Variants in PALM2AKAP2 observed in about 807,000 individuals in gnomAD.
The protein encoded by PALM2AKAP2 is PALM2-AKAP2 fusion protein.
A neutral mutation model predicts 71.5 loss-of-function variants in PALM2AKAP2; 37 were observed. The ratio of observed to expected loss-of-function variants is 0.52; its 90% confidence interval spans 0.40 to 0.68. PALM2AKAP2 has a LOEUF of 0.68. Among genes scored for constraint, PALM2AKAP2 ranks in the 30% least tolerant of loss-of-function variants. PALM2AKAP2 has a pLI of 0.00. For missense variants in PALM2AKAP2, 1,224 were observed against 1,191.8 expected, an observed-to-expected ratio of 1.03 and a Z score of -0.40; for synonymous variants, 468 against 478.8, an observed-to-expected ratio of 0.98 and a Z score of 0.29.
At chr9:110,124,625 T>C (rs1469354845) in intron 1 of PALM2AKAP2, among the ~76,000 whole-genome samples, 1 of 152,172 alleles carries the variant, frequency 6.6e-6, no homozygotes, top group East Asian at 1.9e-4. Flanking sequence ...AGTGTAGTGC[T>C]GGGGGCCCTA....
At chr9:109,873,467 T>G (rs1033730179) in intron 2 of PALM2AKAP2, among the ~76,000 whole-genome samples, 52 of 68,390 alleles carry the variant, frequency 7.6e-4, no homozygotes, top group Admixed American at 4.8e-4. Context: ...TAAAATAAAA[T>G]AAAATAAAAT....
intron 3 of PALM2AKAP2, among the ~76,000 whole-genome samples, chr9:110,164,248 C>T (rs1038062767): frequency 6.6e-5 from 10 of 152,074 alleles, no homozygotes; most frequent in African/African-American, 2.4e-4. Flanking sequence ...GAGTTGGGCC[C>T]ACTCTGTCTT....
At chr9:109,768,007 A>AT (rs1829186601) in intron 1 of PALM2AKAP2, among the ~76,000 whole-genome samples, 2 of 46,038 alleles carry the variant, frequency 4.3e-5, no homozygotes, top group East Asian at 4.9e-4. Flanking sequence ...AAAGGCAGGT[A>AT]GGTAGGAAGA....
intron 1 of PALM2AKAP2, among the ~76,000 whole-genome samples, chr9:109,690,032 A>G (rs1827859890): frequency 1.3e-5 from 2 of 151,954 alleles, no homozygotes; most frequent in South Asian, 4.2e-4. Flanking sequence ...CCTCTTAAAC[A>G]ATCAGGACTA....
chr9:109,716,812 C>T (rs1255649849), intron 1 of PALM2AKAP2, among the ~76,000 whole-genome samples: 1 of 152,152 alleles, frequency 6.6e-6, no homozygotes, highest in Non-Finnish European at 1.5e-5. Flanking sequence ...ATGTGTACAT[C>T]TAGAAAACCA....
chr9:110,167,905 A>C (rs561963740), intron 3 of PALM2AKAP2, among the ~76,000 whole-genome samples: 1 of 152,318 alleles, frequency 6.6e-6, no homozygotes, highest in East Asian at 1.9e-4. Flanking sequence ...ACATGGAGCT[A>C]TTCAAATTAA....
At chr9:109,840,431 C>T (rs1363831109) in intron 1 of PALM2AKAP2, among the ~76,000 whole-genome samples, 1 of 152,176 alleles carries the variant, frequency 6.6e-6, no homozygotes, top group Admixed American at 6.5e-5. Flanking sequence ...AAAACCTAGG[C>T]AGTACCATTC....
At chr9:109,654,001 G>A (rs2132235043) in intron 1 of PALM2AKAP2, among the ~76,000 whole-genome samples, 1 of 152,240 alleles carries the variant, frequency 6.6e-6, no homozygotes, top group Non-Finnish European at 1.5e-5. Flanking sequence ...AATGGGGTAG[G>A]GGTTAGCCAA....
chr9:109,797,206 G>A (rs998063727), intron 1 of PALM2AKAP2, among the ~76,000 whole-genome samples: 8 of 152,032 alleles, frequency 5.3e-5, no homozygotes, highest in African/African-American at 1.9e-4. Context: ...TCCTTTGGCC[G>A]CTATCTAAGT....
rs146367419 is a variant in PALM2AKAP2 at position 109,836,358 on chromosome 9, C to G, written c.46-31133C>G. 8.5e-3 allele frequency among the ~76,000 whole-genome samples: 1,290 copies of G among 152,190 alleles called. 21 individuals carry two copies. Among genetic ancestry groups the G allele is most frequent in the African/African-American group, 0.03 (1,230 of 41,516 alleles). ...GAAAACTAACAAACAGAAAGGACAT[C>G]GACACCAAAACCACATCTGTACGTC... On this transcript the variant is annotated intron_variant, in intron 1 of 9. Coordinates refer to the PALM2AKAP2 transcript ENST00000302798.
At chr9:109,668,400 A>G (rs963790296) in intron 1 of PALM2AKAP2, among the ~76,000 whole-genome samples, 16 of 152,214 alleles carry the variant, frequency 1.1e-4, no homozygotes, top group Admixed American at 8.5e-4. Context: ...AGCTCATCCC[A>G]AAGAGAAAGG....
At chr9:109,866,042 G>A (rs988855329) in intron 1 of PALM2AKAP2, among the ~76,000 whole-genome samples, 1 of 152,148 alleles carries the variant, frequency 6.6e-6, no homozygotes, top group African/African-American at 2.4e-5. Flanking sequence ...ATATTCATGT[G>A]TCTTACTTTG....
rs577501279 is a variant in PALM2AKAP2, at chr9:109,718,144, G to A, written c.6-62344G>A. ...CGCCCAGGCTGGAGGGCAGTGGCAC[G>A]ATCTTGGCTCACTGCAGCCTCAACT... is the stretch of plus-strand genomic sequence containing the variant. On this transcript the variant is annotated intron_variant, in intron 1 of 6. Coordinates refer to the PALM2AKAP2 transcript ENST00000374531. 3.9e-4 allele frequency among the ~76,000 whole-genome samples: 59 copies of A among 152,116 alleles called. 1 individual carries two copies. The highest frequency in any genetic ancestry group is 2.6e-3 in the Admixed American group (39 of 15,288).
chr9:110,125,133 G>A (rs1337895913), intron 1 of PALM2AKAP2, among the ~76,000 whole-genome samples: 1 of 152,168 alleles, frequency 6.6e-6, no homozygotes, highest in Non-Finnish European at 1.5e-5. Context: ...TGAAAAGTCT[G>A]TCTAACTGGA....
At chr9:109,738,195 C>T (rs1226385788) in intron 1 of PALM2AKAP2, among the ~76,000 whole-genome samples, 1 of 152,140 alleles carries the variant, frequency 6.6e-6, no homozygotes, top group Admixed American at 6.5e-5. Context: ...AATTACTATT[C>T]CTCTATTAAA....
At chr9:110,131,965 G>T (rs956210639) in intron 1 of PALM2AKAP2, among the ~76,000 whole-genome samples, 1 of 151,838 alleles carries the variant, frequency 6.6e-6, no homozygotes, top group South Asian at 2.1e-4. Flanking sequence ...TTAAAAAAAT[G>T]TATCGGAAAG....
chr9:109,906,126 C>A (rs979695873), intron 3 of PALM2AKAP2, among the ~76,000 whole-genome samples: 3 of 152,136 alleles, frequency 2.0e-5, no homozygotes, highest in African/African-American at 7.2e-5. Context: ...AGAGGAAAAT[C>A]CAGGGCTCCC....
At chr9:109,987,523 A>AT (rs1212418242) in intron 6 of PALM2AKAP2, among the ~76,000 whole-genome samples, 4 of 152,198 alleles carry the variant, frequency 2.6e-5, no homozygotes, top group African/African-American at 9.7e-5. Flanking sequence ...TTTCTTTGAT[A>AT]TATCATCTCC....
intron 2 of PALM2AKAP2, among the ~76,000 whole-genome samples, chr9:110,142,825 A>C (rs1836067268): frequency 6.6e-6 from 1 of 152,244 alleles, no homozygotes. Context: ...TCTATCAATC[A>C]TGTTAAGGGT....
Sources: gnomAD v4.1 joint callset for allele counts (sites outside exome capture counted in the v4.1 genomes callset) on GRCh38, gnomAD v4.1.1 for gene constraint, MANE v1.5 for transcripts, NCBI Gene and HGNC (gene_info 2026-07-23, HGNC 2026-07-21) for gene names.